Variants in CEP83 observed in about 807,000 individuals in gnomAD.
CEP83 encodes centrosomal protein 83, also known as centrosomal protein of 83 kDa.
Under a neutral mutation model 101.9 loss-of-function variants are expected in CEP83, and 70 were observed. The observed-to-expected ratio is 0.69, with a 90% CI of 0.57 to 0.84. CEP83 has a LOEUF of 0.84. CEP83 is among the 40% of genes least tolerant of loss of function. The probability of loss-of-function intolerance (pLI) is 0.00; values close to 1 mark genes in which losing one functional copy is unlikely to be tolerated. For synonymous variants in CEP83, 264 were observed against 267.9 expected, an observed-to-expected ratio of 0.99 and a Z score of 0.14; for missense variants, 715 against 787.2, an observed-to-expected ratio of 0.91 and a Z score of 1.10.
intron 2 of CEP83, among the ~76,000 whole-genome samples, chr12:94,425,338 C>G (rs760214566): frequency 6.6e-6 from 1 of 152,130 alleles, no homozygotes; most frequent in Non-Finnish European, 1.5e-5. Context: ...AGGATCCAAT[C>G]AGATCAAGCT....
At chr12:94,288,258 C>T in the CEP83 span, among the ~76,000 whole-genome samples, 2 of 152,310 alleles carry the variant, frequency 1.3e-5, no homozygotes, top group South Asian at 2.1e-4. Context: ...CTACTTTAAC[C>T]CTCTTTTTGG....
intron 11 of CEP83, among the ~76,000 whole-genome samples, chr12:94,358,282 C>G (rs1593388084): frequency 6.6e-6 from 1 of 151,988 alleles, no homozygotes; most frequent in Non-Finnish European, 1.5e-5. Flanking sequence ...AATTCCAGAA[C>G]AATTATATAG....
intron 2 of CEP83, among the ~76,000 whole-genome samples, chr12:94,413,879 T>G (rs1417567525): frequency 6.6e-6 from 1 of 151,442 alleles, no homozygotes; most frequent in African/African-American, 2.4e-5. Flanking sequence ...CATACATATT[T>G]TTTTCCTGAT....
intron 1 of CEP83, among the ~76,000 whole-genome samples, chr12:94,453,967 T>A (rs113165923): frequency 2.0e-5 from 3 of 151,790 alleles, no homozygotes; most frequent in Non-Finnish European, 1.5e-5. Context: ...CATGGTTGCA[T>A]GTGCCTGTAG....
chr12:94,348,518 T>C (rs2060047566), intron 11 of CEP83, among the ~76,000 whole-genome samples: 1 of 152,076 alleles, frequency 6.6e-6, no homozygotes, highest in African/African-American at 2.4e-5. Flanking sequence ...CTCAAGCAGA[T>C]TGTGACATGC....
chr12:94,344,504 TAA>T (rs1169286062), intron 11 of CEP83, among the ~76,000 whole-genome samples: 1 of 152,138 alleles, frequency 6.6e-6, no homozygotes, highest in African/African-American at 2.4e-5. Context: ...GTGACTTTAG[TAA>T]AGTCACAGGA....
intron 2 of CEP83, among the ~76,000 whole-genome samples, chr12:94,430,973 A>G (rs540306908): frequency 6.6e-6 from 1 of 152,372 alleles, no homozygotes; most frequent in African/African-American, 2.4e-5. Context: ...AGCTATACAT[A>G]TATCTGTTAA....
At chr12:94,320,331 A>C (rs1013880216) in intron 14 of CEP83, among the ~76,000 whole-genome samples, 8 of 152,110 alleles carry the variant, frequency 5.3e-5, no homozygotes, top group African/African-American at 1.9e-4. Flanking sequence ...GGGGGCACTT[A>C]GCCCATTTAT....
At chr12:94,433,850 T>G (rs2065814585) in intron 2 of CEP83, among the ~76,000 whole-genome samples, 1 of 152,108 alleles carries the variant, frequency 6.6e-6, no homozygotes, top group Admixed American at 6.5e-5. Context: ...TAAAATGGAA[T>G]CCAGTTAAAG....
At chr12:94,326,649 G>C (rs1466511335) in intron 14 of CEP83, among the ~76,000 whole-genome samples, 1 of 152,118 alleles carries the variant, frequency 6.6e-6, no homozygotes, top group East Asian at 1.9e-4. Flanking sequence ...GATTCGAGTG[G>C]GCCCTAAATC....
intron 6 of CEP83, among the ~76,000 whole-genome samples, chr12:94,396,391 C>T (rs1225735384): frequency 3.4e-5 from 5 of 148,294 alleles, no homozygotes; most frequent in Non-Finnish European, 5.9e-5. Flanking sequence ...TGGGTTCAAG[C>T]GATTCTCCTG....
At chr12:94,371,001 T>C (rs1357691656) in intron 8 of CEP83, among the ~76,000 whole-genome samples, 1 of 151,946 alleles carries the variant, frequency 6.6e-6, no homozygotes, top group East Asian at 1.9e-4. Flanking sequence ...AAATTAAAAT[T>C]AAATTTAAGA....
At chr12:94,289,834 A>G in the CEP83 span, among the ~76,000 whole-genome samples, 102 of 152,320 alleles carry the variant, frequency 6.7e-4, no homozygotes, top group African/African-American at 2.3e-3. Flanking sequence ...TTAGAAATGC[A>G]CTCACACATA....
intron 2 of CEP83, among the ~76,000 whole-genome samples, chr12:94,420,310 G>A (rs182903075): frequency 4.9e-4 from 74 of 152,250 alleles, no homozygotes; most frequent in African/African-American, 1.8e-3. Context: ...GTATACACAG[G>A]TCCACAAAAA....
intron 2 of CEP83, among the ~76,000 whole-genome samples, chr12:94,416,030 A>T (rs2064240627): frequency 6.6e-6 from 1 of 152,188 alleles, no homozygotes; most frequent in South Asian, 2.1e-4. Flanking sequence ...ATTAAACTAA[A>T]CTCAATACAA....
At chr12:94,373,782 CT>C (rs1333685254) in intron 8 of CEP83, among the ~76,000 whole-genome samples, 2 of 152,162 alleles carry the variant, frequency 1.3e-5, no homozygotes, top group Middle Eastern at 3.2e-3. Flanking sequence ...ATTTGAGTAA[CT>C]AAGACAAACA....
rs1207892286 is a variant in CEP83, at chr12:94,403,196, T to G, written c.391A>C (p.Arg131=). The G allele has an allele frequency of 3.2e-6, 5 of 1,579,492 alleles. No homozygotes were observed. In the East Asian group the frequency reaches 9.0e-5, roughly 28 times the overall value. The part of the protein sequence containing the change: ...QIQQELETPM[R]ERFRNLDEEV... ...TCATCTAGATTCCTAAAACGTTCTC[T>G]CATTGGAGTTTCTAATTCTTGTTGT... The change falls in exon 5 of 17, where the codon AGA becomes CGA. Residue 131 remains arginine, a synonymous_variant. Coordinates refer to ENST00000397809, the MANE Select transcript of CEP83 (RefSeq NM_016122.3).
downstream of CEP83, chr12:94,304,257 T>G (rs1285519786): frequency 2.3e-6 from 1 of 444,430 alleles, no homozygotes; most frequent in Non-Finnish European, 4.0e-6. Flanking sequence ...TGCCCACATT[T>G]GGACCAGCCT....
intron 11 of CEP83, among the ~76,000 whole-genome samples, chr12:94,338,639 A>G (rs907131265): frequency 1.3e-5 from 2 of 152,222 alleles, no homozygotes; most frequent in African/African-American, 2.4e-5. Context: ...CAGAGGCTAC[A>G]GTGGAAACTG....
Sources: gnomAD v4.1 joint callset for allele counts (sites outside exome capture counted in the v4.1 genomes callset) on GRCh38, gnomAD v4.1.1 for gene constraint, MANE v1.5 for transcripts, NCBI Gene and HGNC (gene_info 2026-07-23, HGNC 2026-07-21) for gene names.